LYST: variants seen among roughly 807,000 people sequenced by gnomAD.
LYST encodes the protein lysosomal trafficking regulator.
Under a neutral mutation model 413.6 loss-of-function variants are expected in LYST, and 192 were observed. That is an observed-to-expected ratio of 0.46 (90% CI 0.41 to 0.52). LYST has a LOEUF of 0.52. Ranked by LOEUF, LYST falls within the 20% of genes least tolerant of loss-of-function variation. LYST has a pLI of 0.00. For missense variants in LYST, 3,815 were observed against 4,499.9 expected, an observed-to-expected ratio of 0.85 and a Z score of 4.35; for synonymous variants, 1,525 against 1,567.3, an observed-to-expected ratio of 0.97 and a Z score of 0.64.
chr1:235,758,067 A>G (rs1667213448), intron 23 of LYST, among the ~76,000 whole-genome samples: 1 of 152,140 alleles, frequency 6.6e-6, no homozygotes, highest in Admixed American at 6.6e-5. Context: ...ATCCTAACAA[A>G]TGCTGCTGGG....
intron 1 of LYST, among the ~76,000 whole-genome samples, chr1:235,837,209 T>A (rs1043463337): frequency 6.6e-6 from 1 of 152,056 alleles, no homozygotes; most frequent in African/African-American, 2.4e-5. Flanking sequence ...AGGGTAAGTA[T>A]CCAACACAGG....
intron 38 of LYST, among the ~76,000 whole-genome samples, chr1:235,726,489 T>C (rs1663882203): frequency 6.6e-6 from 1 of 152,136 alleles, no homozygotes; most frequent in Admixed American, 6.6e-5. Context: ...GTGCTCTGCA[T>C]GAAATACATC....
chr1:235,680,182 AG>A (rs1320763547), intron 48 of LYST, among the ~76,000 whole-genome samples: 1 of 152,030 alleles, frequency 6.6e-6, no homozygotes, highest in Non-Finnish European at 1.5e-5. Context: ...GTTTCAGGGG[AG>A]GATTATTCTG....
intron 24 of LYST, 63 bp from the exon 25 acceptor site, chr1:235,755,710 C>A: frequency 1.2e-6 from 1 of 857,936 alleles, no homozygotes; most frequent in South Asian, 1.4e-5. Context: ...ATATACAAAT[C>A]AGTGTAACAC....
At chr1:235,796,814 A>T (rs80130899) in intron 10 of LYST, among the ~76,000 whole-genome samples, 4,239 of 152,306 alleles carry the variant, frequency 0.028, 168 homozygotes, top group African/African-American at 0.096. Context: ...GTTCATTACA[A>T]ATCACTCAGT....
chr1:235,860,845 GC>G (rs1679781701), intron 1 of LYST, among the ~76,000 whole-genome samples: 1 of 151,666 alleles, frequency 6.6e-6, no homozygotes. Context: ...CCTCTTTCCT[GC>G]CCCTTCCCTC....
chr1:235,687,462 AG>A (rs1553265478), intron 47 of LYST, among the ~76,000 whole-genome samples: 5 of 152,206 alleles, frequency 3.3e-5, no homozygotes, highest in Non-Finnish European at 7.3e-5. Flanking sequence ...GTGGGGAAAC[AG>A]GTACATGTAA....
rs1658153748 is a variant in LYST, at chr1:235,663,000, G to T, written c.11346C>A (p.Asp3782Glu). The T allele has an allele frequency of 6.2e-7, 1 of 1,613,840 alleles. No individual in the cohort carries two copies. The highest frequency in any genetic ancestry group is 1.3e-5 in the African/African-American group (1 of 74,890). The change falls in exon 53 of 53, where the codon GAC (aspartate) becomes GAA (glutamate). Residue 3782 changes from aspartate to glutamate, a missense_variant. Coordinates refer to ENST00000389793, the MANE Select transcript of LYST (RefSeq NM_000081.4). ...ACATTGGCTGTTTCAAGCGCTGCTG[G>T]TCCTTCCGACACCAGGCAATCACGG... ...DGTVIAWCRKDQQRLKQPMFY... is the reference protein window; with the variant it reads ...DGTVIAWCRKEQQRLKQPMFY...
At chr1:235,758,264 G>A (rs1440099533) in intron 23 of LYST, among the ~76,000 whole-genome samples, 1 of 152,182 alleles carries the variant, frequency 6.6e-6, no homozygotes, top group Non-Finnish European at 1.5e-5. Context: ...AGGTGACAGA[G>A]GAACCTTAAG....
intron 50 of LYST, among the ~76,000 whole-genome samples, chr1:235,670,308 T>A (rs748233134): frequency 5.9e-5 from 9 of 152,190 alleles, no homozygotes; most frequent in Non-Finnish European, 1.2e-4. Context: ...TAAAAACTTT[T>A]CTCTCCTTTG....
At chr1:235,772,017 G>A (rs1292685706) in intron 19 of LYST, among the ~76,000 whole-genome samples, 4 of 147,698 alleles carry the variant, frequency 2.7e-5, no homozygotes, top group Non-Finnish European at 5.9e-5. Flanking sequence ...GAGCCCAGGA[G>A]TTTGAGACCA....
rs371806766 is a variant in LYST, at chr1:235,715,304, G to T, written c.9681C>A (p.Pro3227=). 2.8e-5 allele frequency: 45 copies of T among 1,613,826 alleles called. No individual in the cohort carries two copies. Among genetic ancestry groups the T allele is most frequent in the Non-Finnish European group, 3.8e-5 (45 of 1,179,886 alleles). ...KGAREDDPMP[P]VQPYHYGSHY... is the part of the protein sequence containing the mutation. ...GGGAGCCATAGTGATAGGGCTGCAC[G>T]GGAGGCATGGGGTCATCTTCTCTGG... is the stretch of plus-strand genomic sequence containing the variant. The change falls in exon 42 of 53, where the codon CCC becomes CCA. Residue 3227 remains proline, a synonymous_variant. Coordinates refer to ENST00000389793, the MANE Select transcript of LYST (RefSeq NM_000081.4).
chr1:235,759,117 G>A lies in LYST; in HGVS notation c.6736C>T (p.Leu2246Phe), dbSNP rs758716853. 1.8e-5 allele frequency: 29 copies of A among 1,614,076 alleles called. No individual in the cohort carries two copies. Among genetic ancestry groups the A allele is most frequent in the Non-Finnish European group, 2.3e-5 (27 of 1,180,032 alleles). The change falls in exon 23 of 53, where the codon CTT (leucine) becomes TTT (phenylalanine). Residue 2246 changes from leucine to phenylalanine, a missense_variant. Coordinates refer to ENST00000389793, the MANE Select transcript of LYST (RefSeq NM_000081.4). ...FQRSHSTIASLGLAFPSQNGS... is the reference protein window; with the variant it reads ...FQRSHSTIASFGLAFPSQNGS... ...TTCTGTGAAGGAAAAGCTAGCCCAA[G>A]GCTTGCAATAGTGCTGTGGCTTCGC...
At chr1:235,880,608 G>A (rs1681335701) in intron 1 of LYST, among the ~76,000 whole-genome samples, 1 of 152,142 alleles carries the variant, frequency 6.6e-6, no homozygotes. Context: ...AGGACTTACT[G>A]TCTGTTTTTA....
intron 20 of LYST, among the ~76,000 whole-genome samples, chr1:235,766,645 C>T (rs1668177797): frequency 6.6e-6 from 1 of 152,166 alleles, no homozygotes; most frequent in East Asian, 1.9e-4. Flanking sequence ...CTGCATGCTT[C>T]ACTTTCTTTG....
At chr1:235,697,671 T>C (rs1661214675) in intron 45 of LYST, among the ~76,000 whole-genome samples, 1 of 152,208 alleles carries the variant, frequency 6.6e-6, no homozygotes. Flanking sequence ...AGACCACATG[T>C]AGCACAGGAA....
chr1:235,738,408 C>T, intron 31 of LYST: 1 of 1,613,450 alleles, frequency 6.2e-7, no homozygotes, highest in Non-Finnish European at 8.5e-7. Context: ...CTTATTGTTT[C>T]AAATCCAGTG....
intron 1 of LYST, among the ~76,000 whole-genome samples, chr1:235,835,982 A>C (rs548657942): frequency 6.6e-6 from 1 of 152,366 alleles, no homozygotes; most frequent in African/African-American, 2.4e-5. Flanking sequence ...AACTTGCCCC[A>C]ACGATATTCG....
At chr1:235,800,275 C>T in intron 10 of LYST, 45 bp downstream of exon 10, 1 of 1,254,394 alleles carries the variant, frequency 8.0e-7, no homozygotes, top group Non-Finnish European at 1.2e-6. Context: ...CAACTTTTCA[C>T]ATAAAATAAT....
Sources: allele counts gnomAD v4.1 joint callset (sites outside exome capture counted in the v4.1 genomes callset), GRCh38; gene constraint gnomAD v4.1.1; transcripts MANE v1.5; gene names NCBI Gene and HGNC (gene_info 2026-07-23, HGNC 2026-07-21).